The following ROBO2 variants were observed in gnomAD, a reference collection of about 807,000 sequenced individuals.
ROBO2 encodes the protein roundabout guidance receptor 2, also known as roundabout homolog 2.
ROBO2 carries 53 observed loss-of-function variants against 160.8 expected under a neutral mutation model. The observed-to-expected ratio is 0.33, with a 90% CI of 0.26 to 0.41. ROBO2 has a LOEUF of 0.41. ROBO2 is among the 10% of genes least tolerant of loss of function. The pLI, the probability that ROBO2 is intolerant of heterozygous loss-of-function variation, is 1.00. For synonymous variants in ROBO2, 664 were observed against 611.7 expected (o/e 1.09, Z -1.26); for missense variants, 1,577 against 1,722.4 (o/e 0.92, Z 1.49).
chr3:77,114,011 C>T (rs1560039414), intron 2 of ROBO2, among the ~76,000 whole-genome samples: 1 of 152,156 alleles, frequency 6.6e-6, no homozygotes, highest in Non-Finnish European at 1.5e-5. Context: ...TGATGAGAGG[C>T]AGGCATGAGA....
chr3:76,145,426 G>T (rs2071847070), intron 2 of ROBO2, among the ~76,000 whole-genome samples: 1 of 151,954 alleles, frequency 6.6e-6, no homozygotes, highest in Non-Finnish European at 1.5e-5. Context: ...ATATGCAAAA[G>T]CTTGGGAGGA....
At chr3:76,588,238 G>T (rs1307371273) in intron 2 of ROBO2, among the ~76,000 whole-genome samples, 1 of 152,154 alleles carries the variant, frequency 6.6e-6, no homozygotes, top group Admixed American at 6.6e-5. Flanking sequence ...ATGTGACTGT[G>T]TCATGTATTG....
chr3:76,910,258 T>A lies in ROBO2; in HGVS notation c.110-187756T>A, dbSNP rs1450629439. Among the ~76,000 whole-genome samples, 23 of 152,254 alleles carry A rather than the reference T, an allele frequency of 1.5e-4. 1 individual carries two copies. In the East Asian group the frequency reaches 4.4e-3, roughly 29 times the overall value. ...TTAAGTCATTAGCTACTACAAAAAC[T>A]TTTACTGAATATAAAAAAAACTAAT... On this transcript the variant is annotated intron_variant, in intron 2 of 26. Transcript: ENST00000487694.
intron 2 of ROBO2, among the ~76,000 whole-genome samples, chr3:76,023,581 A>G (rs1437040919): frequency 6.6e-6 from 1 of 151,634 alleles, no homozygotes; most frequent in African/African-American, 2.4e-5. Context: ...ACTATCTTAT[A>G]TGTGCAGAGT....
chr3:76,907,196 C>T (rs1380694852), intron 2 of ROBO2, among the ~76,000 whole-genome samples: 2 of 152,080 alleles, frequency 1.3e-5, no homozygotes, highest in African/African-American at 2.4e-5. Context: ...CCTGAGTCCC[C>T]AGGAAAGTCA....
intron 2 of ROBO2, among the ~76,000 whole-genome samples, chr3:76,802,466 C>T (rs1316933944): frequency 6.6e-6 from 1 of 151,854 alleles, no homozygotes; most frequent in East Asian, 1.9e-4. Flanking sequence ...CGGTGGCTCA[C>T]GCCTGTGATC....
intron 4 of ROBO2, among the ~76,000 whole-genome samples, chr3:77,490,524 A>T (rs1290252886): frequency 1.3e-5 from 2 of 152,102 alleles, no homozygotes; most frequent in Admixed American, 1.3e-4. Flanking sequence ...ATTTGATCAT[A>T]TTTATCTTCA....
chr3:76,085,349 T>C (rs1320898640), intron 2 of ROBO2, among the ~76,000 whole-genome samples: 2 of 152,158 alleles, frequency 1.3e-5, no homozygotes, highest in Non-Finnish European at 2.9e-5. Flanking sequence ...TGACCTGATT[T>C]ACAAAAGCTA....
At chr3:77,379,655 A>T (rs1326938541) in intron 2 of ROBO2, among the ~76,000 whole-genome samples, 1 of 152,124 alleles carries the variant, frequency 6.6e-6, no homozygotes. Flanking sequence ...CTTTGTCCCC[A>T]TGTGTGAATC....
chr3:76,369,982 T>C (rs2076023925), intron 2 of ROBO2, among the ~76,000 whole-genome samples: 1 of 152,004 alleles, frequency 6.6e-6, no homozygotes, highest in Admixed American at 6.6e-5. Context: ...GAACAATATT[T>C]TTAAAACTGC....
intron 2 of ROBO2, among the ~76,000 whole-genome samples, chr3:77,403,812 T>C (rs2076033733): frequency 6.6e-6 from 1 of 152,114 alleles, no homozygotes; most frequent in Non-Finnish European, 1.5e-5. Context: ...TACCAAACAT[T>C]TCAATGGAGT....
intron 2 of ROBO2, among the ~76,000 whole-genome samples, chr3:77,154,196 C>T (rs1276720558): frequency 6.6e-6 from 1 of 151,928 alleles, no homozygotes; most frequent in Non-Finnish European, 1.5e-5. Context: ...AAAAAATACA[C>T]ATAGTTTAAT....
intron 2 of ROBO2, among the ~76,000 whole-genome samples, chr3:76,892,207 G>C (rs1052539268): frequency 6.6e-6 from 1 of 152,062 alleles, no homozygotes; most frequent in Non-Finnish European, 1.5e-5. Context: ...CCGTCTCCCC[G>C]TGGCTGTATG....
intron 2 of ROBO2, among the ~76,000 whole-genome samples, chr3:76,206,225 T>C (rs767837938): frequency 6.6e-6 from 1 of 151,786 alleles, no homozygotes; most frequent in Non-Finnish European, 1.5e-5. Context: ...GTTTTACTGG[T>C]TGAATCATTG....
At chr3:76,999,398 G>C (rs532153152) in intron 2 of ROBO2, among the ~76,000 whole-genome samples, 144 of 152,142 alleles carry the variant, frequency 9.5e-4, no homozygotes, top group Middle Eastern at 3.4e-3. Context: ...CCAGATAATA[G>C]TTTTCTTTAC....
At chr3:76,463,014 C>A (rs941361306) in intron 2 of ROBO2, among the ~76,000 whole-genome samples, 3 of 152,018 alleles carry the variant, frequency 2.0e-5, no homozygotes, top group African/African-American at 7.3e-5. Flanking sequence ...TCACTTTGCC[C>A]ATCACCGCAT....
chr3:76,895,355 T>C (rs2074686070), intron 2 of ROBO2, among the ~76,000 whole-genome samples: 2 of 152,096 alleles, frequency 1.3e-5, no homozygotes, highest in Admixed American at 1.3e-4. Context: ...AATTTTCAAA[T>C]AAATAAAATT....
chr3:76,108,465 A>G (rs941258193), intron 2 of ROBO2, among the ~76,000 whole-genome samples: 3 of 152,006 alleles, frequency 2.0e-5, no homozygotes, highest in Non-Finnish European at 4.4e-5. Flanking sequence ...TTATATTCAT[A>G]TCAACTATTT....
Position 77,248,492 on chromosome 3 carries a change from T to C in ROBO2, c.388+150152T>C, listed in dbSNP as rs536989102. Among the ~76,000 whole-genome samples, 71 of 151,830 alleles carry C rather than the reference T, an allele frequency of 4.7e-4. 1 individual carries two copies. Among genetic ancestry groups the C allele is most frequent in the Admixed American group, 9.8e-4 (15 of 15,262 alleles). ...TCTGCAGATGGCAAAGCTCAAAGGG[T>C]TTTGTCATACTCCGTCTGGGGCTTC... On this transcript the variant is annotated intron_variant, in intron 2 of 25. Coordinates refer to ENST00000461745, the Ensembl canonical transcript of ROBO2.
Sources: allele counts gnomAD v4.1 joint callset (sites outside exome capture counted in the v4.1 genomes callset), GRCh38; gene constraint gnomAD v4.1.1; transcripts MANE v1.5; gene names NCBI Gene and HGNC (gene_info 2026-07-23, HGNC 2026-07-21).